The following IMMP2L variants were observed in gnomAD, a reference collection of about 807,000 sequenced individuals.
The protein encoded by IMMP2L is inner mitochondrial membrane peptidase subunit 2.
Under a neutral mutation model 19.3 loss-of-function variants are expected in IMMP2L, and 18 were observed. The ratio of observed to expected loss-of-function variants is 0.93; its 90% confidence interval spans 0.64 to 1.38. IMMP2L has a LOEUF of 1.38. IMMP2L is among the 40% of genes most tolerant of loss of function. The probability of loss-of-function intolerance (pLI) is 0.00; values close to 1 mark genes in which losing one functional copy is unlikely to be tolerated. For missense variants in IMMP2L, 233 were observed against 218.2 expected (o/e 1.07, Z -0.43); for synonymous variants, 76 against 73.0 (o/e 1.04, Z -0.21).
At chr7:110,816,768 A>G (rs557109483) in intron 5 of IMMP2L, among the ~76,000 whole-genome samples, 1 of 151,094 alleles carries the variant, frequency 6.6e-6, no homozygotes, top group East Asian at 2.0e-4. Context: ...AGTCTGTTTT[A>G]TCAGAGACTA....
At chr7:111,172,370 A>G (rs1806540542) in intron 3 of IMMP2L, among the ~76,000 whole-genome samples, 1 of 151,504 alleles carries the variant, frequency 6.6e-6, no homozygotes, top group Non-Finnish European at 1.5e-5. Flanking sequence ...TTTAATTGAT[A>G]CATAATAATT....
At chr7:111,272,756 T>C (rs544460331) in intron 3 of IMMP2L, among the ~76,000 whole-genome samples, 60 of 152,312 alleles carry the variant, frequency 3.9e-4, no homozygotes, top group African/African-American at 1.3e-3. Flanking sequence ...ACCTAGCCCT[T>C]TTCTTTGGGC....
chr7:111,217,161 A>C (rs1812041397), intron 3 of IMMP2L, among the ~76,000 whole-genome samples: 1 of 134,032 alleles, frequency 7.5e-6, no homozygotes, highest in Non-Finnish European at 1.5e-5. Flanking sequence ...CACACACACA[A>C]TATGCAGTGG....
At position 111,243,407 on chromosome 7, in the gene IMMP2L, G is replaced by C. The variant is rs542614939; in HGVS notation, c.239+243831C>G. ...AAATTTTATATTCTTGCATGGACTA[G>C]TAATTTCCACAATAGGTTTTCCAGT... On this transcript the variant is annotated intron_variant, in intron 3 of 5. Coordinates refer to ENST00000405709, the MANE Select transcript of IMMP2L (RefSeq NM_032549.4). Among the ~76,000 whole-genome samples, 8 of 151,828 alleles carry C rather than the reference G, an allele frequency of 5.3e-5. No homozygotes were observed. The South Asian group carries it at 1.7e-3, about 32-fold the overall frequency.
At chr7:111,537,398 G>C (rs532307904) in intron 1 of IMMP2L, among the ~76,000 whole-genome samples, 1 of 152,044 alleles carries the variant, frequency 6.6e-6, no homozygotes, top group East Asian at 1.9e-4. Flanking sequence ...GAAAAAAATA[G>C]AAATCATCCT....
At position 110,779,685 on chromosome 7, in the gene IMMP2L, G is replaced by A. The variant is rs569725519; in HGVS notation, c.408+106908C>T. 4.9e-4 allele frequency among the ~76,000 whole-genome samples: 75 copies of A among 151,770 alleles called. No homozygotes were observed. The South Asian group carries it at 0.012, about 24-fold the overall frequency. On this transcript the variant is annotated intron_variant, in intron 5 of 5. Coordinates refer to ENST00000405709, the MANE Select transcript of IMMP2L (RefSeq NM_032549.4). ...AAGCAAGGAAAAACTATTTAAGAGG[G>A]GTGTTATCACCTTGCAGGGCCCTAG...
At chr7:111,096,614 C>T (rs949580850) in intron 3 of IMMP2L, among the ~76,000 whole-genome samples, 5 of 151,466 alleles carry the variant, frequency 3.3e-5, no homozygotes, top group Non-Finnish European at 7.4e-5. Context: ...ACAGCATTAG[C>T]ACTTTGATAA....
chr7:110,943,743 T>C (rs1816959541), intron 4 of IMMP2L, among the ~76,000 whole-genome samples: 2 of 152,068 alleles, frequency 1.3e-5, no homozygotes, highest in South Asian at 4.1e-4. Context: ...CAGAAGAAGT[T>C]AGTCTAAGCT....
intron 3 of IMMP2L, among the ~76,000 whole-genome samples, chr7:111,006,416 A>G (rs1824298356): frequency 6.6e-6 from 1 of 152,196 alleles, no homozygotes; most frequent in South Asian, 2.1e-4. Context: ...TAGACTTTTA[A>G]CACTAAAAGT....
intron 3 of IMMP2L, among the ~76,000 whole-genome samples, chr7:110,980,824 C>A (rs1821223482): frequency 1.3e-5 from 2 of 152,102 alleles, no homozygotes; most frequent in South Asian, 4.1e-4. Flanking sequence ...AGCTTCTATG[C>A]TATTCCAAAA....
At chr7:111,071,576 A>C (rs749354154) in intron 3 of IMMP2L, among the ~76,000 whole-genome samples, 1 of 152,332 alleles carries the variant, frequency 6.6e-6, no homozygotes, top group Middle Eastern at 3.4e-3. Flanking sequence ...GTACTGATTC[A>C]TGCTACAATG....
intron 5 of IMMP2L, among the ~76,000 whole-genome samples, chr7:110,679,377 G>A (rs939073525): frequency 6.6e-6 from 1 of 152,108 alleles, no homozygotes; most frequent in Non-Finnish European, 1.5e-5. Flanking sequence ...CAAGGTGGAT[G>A]GATGACATTA....
rs1554396640 is a variant in IMMP2L at position 110,696,425 on chromosome 7, C to CTCT, written c.409-32705_409-32704insAGA. ...TCTGCACTGAGACATTCCTTTTTCTCTTTTTTTTTTTTTTTTTTTGAGACA... is the reference window on the plus strand; with the variant it reads ...TCTGCACTGAGACATTCCTTTTTCTCTCTTTTTTTTTTTTTTTTTTTTGAGACA... On this transcript the variant is annotated intron_variant, in intron 5 of 5. Coordinates refer to ENST00000405709, the MANE Select transcript of IMMP2L (RefSeq NM_032549.4). Among the ~76,000 whole-genome samples the CTCT allele has an allele frequency of 1.3e-3, 161 of 119,850 alleles. 2 individuals carry two copies. Among genetic ancestry groups the CTCT allele is most frequent in the Admixed American group, 2.5e-3 (26 of 10,234 alleles). 78.6% of individuals were successfully genotyped at this position (119,850 alleles called of 152,430 possible). A position where few individuals can be genotyped will look rare whatever the true frequency, so the allele number is the denominator to read the frequency against.
rs540008992 is a variant in IMMP2L, at chr7:111,501,721, C to A, written c.136-14380G>T. Reference sequence around the variant, plus strand: ...ACCCAGAATTTCATATCCAGCCAAACTAAGCTTCATAAGTGAAGGAGAAAT... The same window carrying A: ...ACCCAGAATTTCATATCCAGCCAAAATAAGCTTCATAAGTGAAGGAGAAAT... On this transcript the variant is annotated intron_variant, in intron 2 of 5. Coordinates refer to ENST00000405709, the MANE Select transcript of IMMP2L (RefSeq NM_032549.4). Among the ~76,000 whole-genome samples, 66 of 152,202 alleles carry A rather than the reference C, an allele frequency of 4.3e-4. 1 individual carries two copies. Among genetic ancestry groups the A allele is most frequent in the African/African-American group, 1.4e-3 (57 of 41,530 alleles).
chr7:110,916,825 T>C (rs1302093456), intron 4 of IMMP2L, among the ~76,000 whole-genome samples: 1 of 152,190 alleles, frequency 6.6e-6, no homozygotes, highest in Non-Finnish European at 1.5e-5. Context: ...ATTTGAAATA[T>C]TATAGTTGGT....
intron 3 of IMMP2L, among the ~76,000 whole-genome samples, chr7:111,291,241 A>G (rs1209542539): frequency 1.3e-5 from 2 of 152,150 alleles, no homozygotes; most frequent in Non-Finnish European, 2.9e-5. Context: ...GTTCAACAAG[A>G]AACACCAAGA....
At position 110,914,150 on chromosome 7, in the gene IMMP2L, G is replaced by A. The variant is rs143423410; in HGVS notation, c.306-27455C>T. ...CATCTTGGTAGCCATTGCTTTGACT[G>A]TGCTTTGTCTTCAGTCACACTGGTA... On this transcript the variant is annotated intron_variant, in intron 4 of 5. Transcript: ENST00000405709. Among the ~76,000 whole-genome samples the A allele has an allele frequency of 1.9e-3, 295 of 152,250 alleles. 2 individuals carry two copies. The highest frequency in any genetic ancestry group is 6.7e-3 in the African/African-American group (277 of 41,550).
At chr7:111,340,395 CAAAGT>C (rs1207873941) in intron 3 of IMMP2L, among the ~76,000 whole-genome samples, 1 of 151,976 alleles carries the variant, frequency 6.6e-6, no homozygotes, top group African/African-American at 2.4e-5. Context: ...TCTTAAAAAA[CAAAGT>C]AATTATATCC....
At chr7:111,280,974 G>C (rs1819632978) in intron 3 of IMMP2L, among the ~76,000 whole-genome samples, 1 of 151,872 alleles carries the variant, frequency 6.6e-6, no homozygotes, top group Admixed American at 6.6e-5. Context: ...GGAGGCTGAG[G>C]TAGGAGAATG....
Sources: allele counts gnomAD v4.1 joint callset (sites outside exome capture counted in the v4.1 genomes callset), GRCh38; gene constraint gnomAD v4.1.1; transcripts MANE v1.5; gene names NCBI Gene and HGNC (gene_info 2026-07-23, HGNC 2026-07-21).